Variants in KATNIP observed in about 807,000 individuals in gnomAD.
KATNIP encodes katanin interacting protein, also known as katanin-interacting protein.
Under a neutral mutation model 174.0 loss-of-function variants are expected in KATNIP, and 126 were observed. That is an observed-to-expected ratio of 0.72 (90% CI 0.63 to 0.84). The LOEUF (loss-of-function observed/expected upper bound fraction) is 0.84. Among genes scored for constraint, KATNIP ranks in the 40% least tolerant of loss-of-function variants. KATNIP has a pLI of 0.00. For synonymous variants in KATNIP, 810 were observed against 835.7 expected, an observed-to-expected ratio of 0.97 and a Z score of 0.53; for missense variants, 1,958 against 2,109.7, an observed-to-expected ratio of 0.93 and a Z score of 1.41.
intron 6 of KATNIP, among the ~76,000 whole-genome samples, chr16:27,671,029 TA>T (rs1014869382): frequency 5.3e-5 from 8 of 151,928 alleles, no homozygotes; most frequent in African/African-American, 1.9e-4. Flanking sequence ...CCATCTCTAC[TA>T]AAAATACAAA....
At chr16:27,616,107 C>T (rs566680310) in intron 2 of KATNIP, among the ~76,000 whole-genome samples, 65 of 152,176 alleles carry the variant, frequency 4.3e-4, no homozygotes, top group Non-Finnish European at 6.8e-4. Context: ...TGCGGTGGCT[C>T]GCACCTGTAG....
intron 15 of KATNIP, among the ~76,000 whole-genome samples, chr16:27,748,771 G>A (rs905563852): frequency 2.0e-5 from 3 of 152,012 alleles, no homozygotes; most frequent in African/African-American, 7.2e-5. Flanking sequence ...GCAACAGAGC[G>A]AGACCCTGTC....
At chr16:27,726,923 G>A (rs777755847) in intron 14 of KATNIP, among the ~76,000 whole-genome samples, 1 of 152,224 alleles carries the variant, frequency 6.6e-6, no homozygotes, top group Non-Finnish European at 1.5e-5. Context: ...CAGATCCTGT[G>A]GGCCAGCAGG....
chr16:27,640,355 C>T (rs555213266), intron 5 of KATNIP, among the ~76,000 whole-genome samples: 2 of 152,262 alleles, frequency 1.3e-5, no homozygotes, highest in East Asian at 1.9e-4. Flanking sequence ...CTTGCAAGGG[C>T]GTGGAGGTGG....
At chr16:27,754,114 G>C (rs1415942604) in intron 17 of KATNIP, 59 bp from the exon 18 acceptor site, 15 of 1,395,308 alleles carry the variant, frequency 1.1e-5, no homozygotes, top group African/African-American at 1.4e-5. Context: ...CAGCCAGCTA[G>C]CTGTGTGGGT....
Position 27,753,440 on chromosome 16 carries a change from G to T in KATNIP, c.3553-733G>T, listed in dbSNP as rs369935454. ...CTCTGATGGGCCCAGCGCTGTGAGGGGCTGGGGGGATCACTCTCTCAGTCT... is the reference window on the plus strand; with the variant it reads ...CTCTGATGGGCCCAGCGCTGTGAGGTGCTGGGGGGATCACTCTCTCAGTCT... On this transcript the variant is annotated intron_variant, in intron 17 of 27. Transcript: ENST00000261588. Among the ~76,000 whole-genome samples the T allele has an allele frequency of 1.6e-4, 25 of 152,272 alleles. No homozygotes were observed. The South Asian group carries it at 4.8e-3, about 29-fold the overall frequency.
chr16:27,749,850 G>A lies in KATNIP; in HGVS notation c.2890G>A (p.Gly964Ser). 1 of 1,614,136 alleles carries A rather than the reference G, an allele frequency of 6.2e-7. No homozygotes were observed. Among genetic ancestry groups the A allele is most frequent in the Non-Finnish European group, 8.5e-7 (1 of 1,180,010 alleles). ...CTACTCTGGAGAGACAGACGCTGGG[G>A]GTGACTTTAAAATCCCCGTCTTGCC... ...DGYSGETDAGGDFKIPVLPYG... is the reference protein window; with the variant it reads ...DGYSGETDAGSDFKIPVLPYG... Residue 964 changes from glycine to serine, a missense_variant, in exon 16 of 28, where the codon GGT (glycine) becomes AGT (serine). Gly to Ser is a moderately conservative substitution (Grantham distance 56, BLOSUM62 0). Transcript: ENST00000261588.
At chr16:27,647,346 C>A (rs1438174153) in intron 5 of KATNIP, among the ~76,000 whole-genome samples, 1 of 151,768 alleles carries the variant, frequency 6.6e-6, no homozygotes, top group Admixed American at 6.6e-5. Context: ...AAGCCCCCCC[C>A]TTTCTTTTAT....
intron 7 of KATNIP, among the ~76,000 whole-genome samples, chr16:27,679,526 G>A (rs181561460): frequency 7.9e-5 from 12 of 152,112 alleles, no homozygotes; most frequent in East Asian, 3.9e-4. Flanking sequence ...CAGCCAAGGC[G>A]GGAGGATCAC....
chr16:27,692,882 C>T (rs1011863830), intron 8 of KATNIP, among the ~76,000 whole-genome samples: 11 of 152,174 alleles, frequency 7.2e-5, no homozygotes, highest in African/African-American at 2.7e-4. Flanking sequence ...TAGTGCAGGT[C>T]GTAAGCCTGG....
chr16:27,562,310 C>G (rs544387042), intron 1 of KATNIP, among the ~76,000 whole-genome samples: 112 of 151,984 alleles, frequency 7.4e-4, no homozygotes, highest in African/African-American at 2.6e-3. Context: ...GACCCTATCT[C>G]AAAAAAATAA....
intron 2 of KATNIP, among the ~76,000 whole-genome samples, chr16:27,604,723 G>A (rs1335492320): frequency 6.6e-6 from 1 of 152,138 alleles, no homozygotes; most frequent in Non-Finnish European, 1.5e-5. Flanking sequence ...ACCTCCTAGG[G>A]TTGTGTGAAT....
At chr16:27,572,008 G>A (rs918536089) in intron 1 of KATNIP, among the ~76,000 whole-genome samples, 1 of 151,258 alleles carries the variant, frequency 6.6e-6, no homozygotes, top group African/African-American at 2.5e-5. Context: ...GTGTGTGTAT[G>A]TGTGTGTGTG....
intron 18 of KATNIP, chr16:27,757,349 G>A (rs995083456): frequency 4.0e-5 from 9 of 225,148 alleles, no homozygotes; most frequent in Non-Finnish European, 5.2e-5. Flanking sequence ...GGAGCCCAGA[G>A]AAAGGGGTCA....
chr16:27,740,269 G>A lies in KATNIP; in HGVS notation c.1972G>A (p.Gly658Ser), dbSNP rs201458196. ...CAGCGGGGACAAGGAGCTTGGTCTC[G>A]GTTGCTCACCGCCAGCTGAAACATT... ...GASGDKELGL[G>S]CSPPAETLAD... is the part of the protein sequence containing the mutation. The change falls in exon 15 of 28, where the codon GGT (glycine) becomes AGT (serine). Residue 658 changes from glycine to serine, a missense_variant. Coordinates refer to ENST00000261588, the MANE Select transcript of KATNIP (RefSeq NM_015202.5). 3.8e-5 allele frequency: 61 copies of A among 1,614,228 alleles called. No homozygotes were observed. Among genetic ancestry groups the A allele is most frequent in the African/African-American group, 8.0e-5 (6 of 75,060 alleles).
At chr16:27,612,878 A>G (rs932199354) in intron 2 of KATNIP, among the ~76,000 whole-genome samples, 1 of 152,086 alleles carries the variant, frequency 6.6e-6, no homozygotes, top group African/African-American at 2.4e-5. Context: ...AGGAGGCTGA[A>G]GTGGGAGGAT....
At chr16:27,723,375 T>TC (rs2080313562) in intron 14 of KATNIP, among the ~76,000 whole-genome samples, 1 of 151,348 alleles carries the variant, frequency 6.6e-6, no homozygotes, top group Admixed American at 6.6e-5. Context: ...TTTATCCCTG[T>TC]CCCCCCTCCA....
chr16:27,674,753 A>C (rs1312882092), intron 6 of KATNIP, among the ~76,000 whole-genome samples: 1 of 152,120 alleles, frequency 6.6e-6, no homozygotes, highest in Non-Finnish European at 1.5e-5. Flanking sequence ...TTTGGGGGCT[A>C]TTTATCCAGC....
intron 13 of KATNIP, among the ~76,000 whole-genome samples, chr16:27,710,556 T>G (rs547510692): frequency 2.0e-5 from 3 of 152,264 alleles, no homozygotes; most frequent in East Asian, 3.9e-4. Flanking sequence ...GAAGATGTTG[T>G]TATTGCGTGA....
Sources: allele counts gnomAD v4.1 joint callset (sites outside exome capture counted in the v4.1 genomes callset), GRCh38; gene constraint gnomAD v4.1.1; transcripts MANE v1.5; gene names NCBI Gene and HGNC (gene_info 2026-07-23, HGNC 2026-07-21).